Variants in EYS observed in about 807,000 individuals in gnomAD.
EYS encodes the protein protein eyes shut homolog.
In EYS, 250 loss-of-function variants were observed where a neutral mutation model predicts 282.1. The observed-to-expected ratio is 0.89, with a 90% CI of 0.80 to 0.98. The LOEUF (loss-of-function observed/expected upper bound fraction) is 0.98, where lower values mean the gene tolerates loss of function less well. EYS is among the 50% of genes least tolerant of loss of function. EYS has a pLI of 0.00. For synonymous variants in EYS, 1,355 were observed against 1,282.9 expected, an observed-to-expected ratio of 1.06 and a Z score of -1.20; for missense variants, 4,016 against 3,709.0, an observed-to-expected ratio of 1.08 and a Z score of -2.15.
intron 1 of EYS, among the ~76,000 whole-genome samples, chr6:65,680,925 G>T (rs914196079): frequency 1.3e-5 from 2 of 151,992 alleles, no homozygotes; most frequent in South Asian, 2.1e-4. Flanking sequence ...TGAGCCACAG[G>T]TTGAAGGTTC....
At chr6:64,451,843 T>C (rs1037289152) in intron 26 of EYS, among the ~76,000 whole-genome samples, 1 of 152,188 alleles carries the variant, frequency 6.6e-6, no homozygotes, top group African/African-American at 2.4e-5. Flanking sequence ...AAATTAGGTA[T>C]TGATGGGACG....
intron 2 of EYS, among the ~76,000 whole-genome samples, chr6:65,532,931 T>C (rs1767831163): frequency 6.6e-6 from 1 of 152,150 alleles, no homozygotes; most frequent in Non-Finnish European, 1.5e-5. Flanking sequence ...TTTAGGATCT[T>C]TAAAAATATC....
intron 2 of EYS, among the ~76,000 whole-genome samples, chr6:65,497,689 C>A (rs1481599444): frequency 6.6e-6 from 1 of 151,982 alleles, no homozygotes. Flanking sequence ...TAAATAAATC[C>A]TCACTTAACT....
chr6:65,459,435 A>G (rs1016063183), intron 5 of EYS, among the ~76,000 whole-genome samples: 2 of 152,080 alleles, frequency 1.3e-5, no homozygotes, highest in African/African-American at 4.8e-5. Context: ...TTAAGTGTGA[A>G]ACAAAATGAC....
At chr6:64,442,447 C>G (rs1774979557) in intron 26 of EYS, among the ~76,000 whole-genome samples, 1 of 152,292 alleles carries the variant, frequency 6.6e-6, no homozygotes, top group East Asian at 1.9e-4. Flanking sequence ...GAAATTAAAG[C>G]CTGCTGCTGA....
At chr6:64,433,662 C>T (rs1336182533) in intron 28 of EYS, among the ~76,000 whole-genome samples, 1 of 151,938 alleles carries the variant, frequency 6.6e-6, no homozygotes, top group African/African-American at 2.4e-5. Context: ...AGTCATATAA[C>T]TTAAAAGAAA....
chr6:64,587,508 C>T (rs1766270404), intron 26 of EYS, among the ~76,000 whole-genome samples: 1 of 151,932 alleles, frequency 6.6e-6, no homozygotes, highest in African/African-American at 2.4e-5. Flanking sequence ...GAGATTAGAC[C>T]AGAGTTTTTA....
chr6:63,869,150 G>T (rs1772738868), intron 35 of EYS, among the ~76,000 whole-genome samples: 2 of 152,074 alleles, frequency 1.3e-5, no homozygotes, highest in Non-Finnish European at 2.9e-5. Context: ...ATATGAAAGG[G>T]TTTTTCTAAA....
At chr6:65,346,178 A>T (rs1293743774) in intron 9 of EYS, among the ~76,000 whole-genome samples, 2 of 151,810 alleles carry the variant, frequency 1.3e-5, no homozygotes, top group African/African-American at 2.4e-5. Flanking sequence ...ATAGAGCTCC[A>T]GTCATCATGG....
intron 30 of EYS, among the ~76,000 whole-genome samples, chr6:64,249,109 C>T (rs1767120801): frequency 6.9e-6 from 1 of 144,256 alleles, no homozygotes; most frequent in Non-Finnish European, 1.5e-5. Flanking sequence ...ATATGTTTAT[C>T]ATAGCACTAT....
intron 37 of EYS, among the ~76,000 whole-genome samples, chr6:63,789,926 G>T (rs150770750): frequency 2.0e-5 from 3 of 152,102 alleles, no homozygotes; most frequent in Non-Finnish European, 2.9e-5. Context: ...TATCCTTGGC[G>T]GGATTAAGAA....
chr6:64,218,932 C>T (rs1039375268), intron 31 of EYS, among the ~76,000 whole-genome samples: 8 of 152,154 alleles, frequency 5.3e-5, no homozygotes, highest in African/African-American at 1.9e-4. Context: ...AATAACATGT[C>T]AACCTTGTCA....
At chr6:65,008,375 A>G (rs1771755959) in intron 13 of EYS, among the ~76,000 whole-genome samples, 1 of 152,062 alleles carries the variant, frequency 6.6e-6, no homozygotes, top group Non-Finnish European at 1.5e-5. Context: ...ATAGGCCCGG[A>G]GCAAAACTTA....
chr6:65,401,428 T>C (rs1413063045), intron 7 of EYS, among the ~76,000 whole-genome samples: 1 of 151,304 alleles, frequency 6.6e-6, no homozygotes, highest in Non-Finnish European at 1.5e-5. Context: ...CTTTTCTAAG[T>C]ACATTCACTA....
At chr6:63,761,039 T>C (rs2149654879) in intron 41 of EYS, among the ~76,000 whole-genome samples, 1 of 150,520 alleles carries the variant, frequency 6.6e-6, no homozygotes, top group Non-Finnish European at 1.5e-5. Flanking sequence ...AGTTTAAATA[T>C]TTAACCGATT....
Position 63,720,660 on chromosome 6 carries a change from A to G in EYS, c.9371T>C (p.Ile3124Thr), listed in dbSNP as rs770840726. Residue 3124 changes from isoleucine to threonine, a missense_variant, in exon 43 of 43, where the codon ATT becomes ACT. By Grantham distance (89) the Ile-to-Thr change is moderately conservative. Transcript: ENST00000503581. ...DVVFFQEPKN[I>T]ELIKLEGYNV... ...GTATCCTTCTAATTTAATTAGTTCAATGTTTTTTGGTTCCTGAAAAAATAC... is the reference window on the plus strand; with the variant it reads ...GTATCCTTCTAATTTAATTAGTTCAGTGTTTTTTGGTTCCTGAAAAAATAC... The G allele has an allele frequency of 3.7e-5, 57 of 1,539,862 alleles. 2 individuals are homozygous for G. The Middle Eastern group carries it at 1.9e-3, about 50-fold the overall frequency.
At chr6:64,355,386 A>C (rs1771789584) in intron 29 of EYS, among the ~76,000 whole-genome samples, 1 of 151,618 alleles carries the variant, frequency 6.6e-6, no homozygotes, top group African/African-American at 2.4e-5. Flanking sequence ...TTCTTGTGAG[A>C]ATTAAGATAA....
chr6:64,921,995 T>C (rs977141536), intron 15 of EYS, among the ~76,000 whole-genome samples: 7 of 151,862 alleles, frequency 4.6e-5, no homozygotes, highest in Non-Finnish European at 8.8e-5. Context: ...TTGCTTGAAA[T>C]ATAAGGCTGG....
chr6:65,643,819 A>G (rs551446896), intron 1 of EYS, among the ~76,000 whole-genome samples: 5 of 151,874 alleles, frequency 3.3e-5, no homozygotes, highest in Non-Finnish European at 7.4e-5. Flanking sequence ...AAAAGCGAAA[A>G]CAATCACTGA....
Sources: allele counts gnomAD v4.1 joint callset (sites outside exome capture counted in the v4.1 genomes callset), GRCh38; gene constraint gnomAD v4.1.1; transcripts MANE v1.5; gene names NCBI Gene and HGNC (gene_info 2026-07-23, HGNC 2026-07-21).